Variants in DSE observed in about 807,000 individuals in gnomAD.
DSE encodes dermatan-sulfate epimerase.
A neutral mutation model predicts 84.4 loss-of-function variants in DSE; 36 were observed. The ratio of observed to expected loss-of-function variants is 0.43; its 90% CI spans 0.33 to 0.56. The LOEUF (loss-of-function observed/expected upper bound fraction) is 0.56. Among genes scored for constraint, DSE ranks in the 20% least tolerant of loss-of-function variants. DSE has a pLI of 0.06. For missense variants in DSE, 862 were observed against 1,169.6 expected, an observed-to-expected ratio of 0.74 and a Z score of 3.84; for synonymous variants, 410 against 430.1, an observed-to-expected ratio of 0.95 and a Z score of 0.58.
At position 116,412,990 on chromosome 6, in the gene DSE, G is replaced by T. The variant is rs146926224; in HGVS notation, c.416+13324G>T. Reference sequence around the variant, plus strand: ...TCTGTGTCTGCATTACTTTGCTTAGGATAATGGCCTCTAGCTCCATGTTGC... The same window carrying T: ...TCTGTGTCTGCATTACTTTGCTTAGTATAATGGCCTCTAGCTCCATGTTGC... On this transcript the variant is annotated intron_variant, in intron 2 of 5. Coordinates refer to ENST00000644252, the MANE Select transcript of DSE (RefSeq NM_013352.4). Among the ~76,000 whole-genome samples the T allele has an allele frequency of 2.9e-3, 441 of 152,100 alleles. 2 individuals are homozygous for T. The highest frequency in any genetic ancestry group is 0.02 in the Middle Eastern group (6 of 294).
At chr6:116,426,429 G>T in intron 2 of DSE, 145 bp from the exon 3 acceptor site, 2 of 1,014,336 alleles carry the variant, frequency 2.0e-6, no homozygotes, top group Non-Finnish European at 1.4e-6. Context: ...TGTTTCTAAT[G>T]TGGAGGGAAG....
At chr6:116,286,790 G>T (rs1283938740) in intron 2 of DSE, among the ~76,000 whole-genome samples, 2 of 152,104 alleles carry the variant, frequency 1.3e-5, no homozygotes, top group Non-Finnish European at 2.9e-5. Flanking sequence ...CAAATACCAT[G>T]GTGATGAGGT....
Position 116,436,800 on chromosome 6 carries a change from C to G in DSE, c.2332C>G (p.Leu778Val), listed in dbSNP as rs1355449404. 2 of 1,614,000 alleles carry G rather than the reference C, an allele frequency of 1.2e-6. No individual in the cohort carries two copies. Among genetic ancestry groups the G allele is most frequent in the African/African-American group, 2.7e-5 (2 of 74,902 alleles). The change falls in exon 6 of 6, where the codon CTG becomes GTG. Residue 778 changes from leucine to valine, a missense_variant. Around this residue, in one of 4 missense-constraint regions of DSE, gnomAD observed 315 missense variants for 348.1 expected, o/e 0.90. Transcript: ENST00000644252. ...ASFRKTAERLLRFSDKRQTEE... is the reference protein window; with the variant it reads ...ASFRKTAERLVRFSDKRQTEE... ...CTTTAGGAAGACTGCTGAACGCCTG[C>G]TGAGATTTTCAGATAAGAGACAGAC...
chr6:116,294,374 A>T (rs1309569117), intron 2 of DSE, among the ~76,000 whole-genome samples: 1 of 152,212 alleles, frequency 6.6e-6, no homozygotes, highest in Admixed American at 6.5e-5. Context: ...AATTAGCAAA[A>T]AACAGTTTTC....
rs140997123 is a variant in DSE, at chr6:116,321,433, C to T, written c.-54+62466C>T. On this transcript the variant is annotated intron_variant, in intron 2 of 3. Transcript: ENST00000430252. ...ATGCAGTCCTCTTGCCTCAGCCTCC[C>T]AAAGCACCGAGATTTGACAAGCATG... is the stretch of plus-strand genomic sequence containing the variant. Among the ~76,000 whole-genome samples the T allele has an allele frequency of 1.3e-4, 19 of 150,994 alleles. No homozygotes were observed. In the East Asian group the frequency reaches 3.7e-3, roughly 29 times the overall value.
intron 1 of DSE, among the ~76,000 whole-genome samples, chr6:116,386,357 G>A (rs1353204569): frequency 6.6e-6 from 1 of 152,178 alleles, no homozygotes; most frequent in East Asian, 1.9e-4. Context: ...CATCAGCCTT[G>A]GCAATTCACT....
At chr6:116,255,977 T>C (rs958833773) in intron 1 of DSE, 1 of 152,228 alleles carries the variant, frequency 6.6e-6, no homozygotes, top group Non-Finnish European at 1.5e-5. Context: ...CCTGAATCAT[T>C]TTTCACTCAT....
chr6:116,410,822 A>C (rs1782303861), intron 2 of DSE, among the ~76,000 whole-genome samples: 1 of 151,416 alleles, frequency 6.6e-6, no homozygotes, highest in Admixed American at 6.6e-5. Context: ...CAGGAAGTCA[A>C]GTAGGCCTTT....
chr6:116,399,758 C>A, intron 2 of DSE, 92 bp downstream of exon 2: 2 of 1,271,506 alleles, frequency 1.6e-6, no homozygotes, highest in Non-Finnish European at 2.2e-6. Flanking sequence ...TCTTCATGTA[C>A]CTCTTTGTGT....
At chr6:116,404,525 C>G (rs998606036) in intron 2 of DSE, among the ~76,000 whole-genome samples, 2 of 152,218 alleles carry the variant, frequency 1.3e-5, no homozygotes, top group African/African-American at 4.8e-5. Flanking sequence ...ATTGTGTTAG[C>G]CACATGTCCT....
intron 2 of DSE, among the ~76,000 whole-genome samples, chr6:116,420,027 C>A (rs1272981795): frequency 2.0e-5 from 3 of 152,040 alleles, no homozygotes; most frequent in African/African-American, 7.2e-5. Context: ...ATGGAAAAGC[C>A]TGCTATAAAG....
At position 116,279,356 on chromosome 6, in the gene DSE, T is replaced by G. The variant is rs1158445968; in HGVS notation, c.-54+20389T>G. ...ACGGCTGCTGAGACGGTGGCGCACT[T>G]TCCTGTCTTCACCTCCTCCGCCTCA... On this transcript the variant is annotated intron_variant, in intron 2 of 3. Coordinates refer to the DSE transcript ENST00000430252. 28 of 1,611,778 alleles carry G rather than the reference T, an allele frequency of 1.7e-5. No homozygotes were observed. The Middle Eastern group carries it at 4.9e-4, about 28-fold the overall frequency.
chr6:116,261,835 C>G (rs1772427285), intron 2 of DSE, among the ~76,000 whole-genome samples: 1 of 152,168 alleles, frequency 6.6e-6, no homozygotes, highest in Non-Finnish European at 1.5e-5. Context: ...AAGGCCTTTT[C>G]TGCATCTATT....
chr6:116,331,899 G>A (rs1776962402), intron 2 of DSE, among the ~76,000 whole-genome samples: 1 of 152,222 alleles, frequency 6.6e-6, no homozygotes, highest in Non-Finnish European at 1.5e-5. Context: ...GGAGGTTGCA[G>A]TGGGCCAAGA....
chr6:116,417,605 T>C (rs938012113), intron 2 of DSE, among the ~76,000 whole-genome samples: 3 of 152,280 alleles, frequency 2.0e-5, no homozygotes, highest in East Asian at 1.9e-4. Flanking sequence ...TAAGTGGTAA[T>C]GTACTGCTAT....
At chr6:116,427,830 A>G (rs1783547557) in intron 3 of DSE, among the ~76,000 whole-genome samples, 1 of 152,200 alleles carries the variant, frequency 6.6e-6, no homozygotes, top group Non-Finnish European at 1.5e-5. Flanking sequence ...AGCAAAATTT[A>G]ATTATGAGAG....
At chr6:116,314,334 T>C (rs1293224786) in intron 2 of DSE, among the ~76,000 whole-genome samples, 1 of 152,220 alleles carries the variant, frequency 6.6e-6, no homozygotes, top group East Asian at 1.9e-4. Context: ...TGTTTTTCTT[T>C]TTTCTTCTAC....
intron 2 of DSE, among the ~76,000 whole-genome samples, chr6:116,300,570 A>G (rs1343197940): frequency 1.3e-5 from 2 of 152,220 alleles, no homozygotes; most frequent in Non-Finnish European, 2.9e-5. Context: ...CTTCTGCTCA[A>G]GATCTACTTG....
intron 2 of DSE, among the ~76,000 whole-genome samples, chr6:116,340,160 G>T (rs571349718): frequency 3.3e-5 from 5 of 152,214 alleles, no homozygotes; most frequent in Admixed American, 3.3e-4. Context: ...TGAACCTGCA[G>T]ATTAATGTTT....
Sources: allele counts gnomAD v4.1 joint callset (sites outside exome capture counted in the v4.1 genomes callset), GRCh38; gene constraint gnomAD v4.1.1; regional missense constraint gnomAD v4.1.1; transcripts MANE v1.5; gene names NCBI Gene and HGNC (gene_info 2026-07-23, HGNC 2026-07-21).